The following PCDHGB1 variants were observed in gnomAD, a reference collection of about 807,000 sequenced individuals.
PCDHGB1 encodes protocadherin gamma-B1.
Under a neutral mutation model 56.6 loss-of-function variants are expected in PCDHGB1, and 34 were observed. The ratio of observed to expected loss-of-function variants is 0.60; its 90% CI spans 0.46 to 0.80. The LOEUF (loss-of-function observed/expected upper bound fraction) is 0.80, where lower values mean the gene tolerates loss of function less well. Ranked by LOEUF, PCDHGB1 falls within the 30% of genes least tolerant of loss-of-function variation. The pLI is 0.00. For missense variants in PCDHGB1, 1,278 were observed against 1,204.6 expected (o/e 1.06, Z -0.90); for synonymous variants, 561 against 505.9 (o/e 1.11, Z -1.46).
At chr5:141,426,922 T>C in intron 1 of PCDHGB1, 1 of 456,720 alleles carries the variant, frequency 2.2e-6, no homozygotes, top group Non-Finnish European at 4.4e-6. Flanking sequence ...CTGGAAGCAA[T>C]GGACATGGGT....
intron 1 of PCDHGB1, chr5:141,375,358 G>A (rs1436482456): frequency 1.2e-6 from 2 of 1,613,810 alleles, no homozygotes; most frequent in Non-Finnish European, 8.5e-7. Context: ...TGACAGCCAC[G>A]GACAAAGGAA....
chr5:141,418,928 A>T (rs762769886), intron 1 of PCDHGB1: 1 of 1,613,978 alleles, frequency 6.2e-7, no homozygotes, highest in East Asian at 2.2e-5. Context: ...TGATCAGATT[A>T]TGGAGGATTC....
rs1374592449 is a variant in PCDHGB1 at position 141,387,964 on chromosome 5, C to T, written c.2409+35295C>T. ...CTCTTCCTGCTGTCTTTGTTCTGCC[C>T]GGCGCTCTGTGAGCAGATCCGCTAC... On this transcript the variant is annotated intron_variant, in intron 1 of 3. Transcript: ENST00000523390. 1.3e-6 allele frequency: 2 copies of T among 1,493,070 alleles called. No individual in the cohort carries two copies. The highest frequency in any genetic ancestry group is 2.2e-5 in the Admixed American group (1 of 45,422). 92.5% of individuals were successfully genotyped at this position (1,493,070 alleles called of 1,614,324 possible).
intron 1 of PCDHGB1, chr5:141,371,384 T>C: frequency 2.5e-6 from 4 of 1,613,984 alleles, no homozygotes; most frequent in Non-Finnish European, 3.4e-6. Flanking sequence ...ACACTGCATA[T>C]TGTAAAGTAC....
chr5:141,351,524 GA>G lies in PCDHGB1; in HGVS notation c.1265del (p.Asp422AlafsTer49). 6.2e-7 allele frequency: 1 copy of G among 1,613,998 alleles called. No individual in the cohort carries two copies. On this transcript the variant is annotated frameshift_variant, in exon 1 of 4. Coordinates refer to ENST00000523390, the MANE Select transcript of PCDHGB1 (RefSeq NM_018922.3). LOFTEE classifies it high-confidence loss of function. ...ADYNVTIIAT[D>X]KGKPALSSRT... ...CTACAACGTCACAATCATAGCCACC[GA>G]CAAGGGCAAACCAGCCCTTTCCTCC... is the stretch of plus-strand genomic sequence containing the variant.
At chr5:141,376,675 C>CGTTTTTT (rs1773024325) in intron 1 of PCDHGB1, 1 of 343,980 alleles carries the variant, frequency 2.9e-6, no homozygotes, top group African/African-American at 3.4e-5. Context: ...GTGAGGGTAT[C>CGTTTTTT]GTTTTTTTTT....
At chr5:141,499,908 G>A (rs903753761) in intron 2 of PCDHGB1, among the ~76,000 whole-genome samples, 2 of 151,980 alleles carry the variant, frequency 1.3e-5, no homozygotes, top group African/African-American at 2.4e-5. Flanking sequence ...GGCTGGTCTT[G>A]AACTCCTGGC....
At chr5:141,499,021 GAAGGAAGA>G (rs1193940810) in intron 2 of PCDHGB1, among the ~76,000 whole-genome samples, 2 of 140,162 alleles carry the variant, frequency 1.4e-5, no homozygotes, top group East Asian at 2.1e-4. Flanking sequence ...AGGAAGGAAG[GAAGGAAGA>G]AAAGAAAGAA....
At position 141,351,762 on chromosome 5, in the gene PCDHGB1, T is replaced by G. The variant is rs762620794; in HGVS notation, c.1502T>G (p.Val501Gly). Residue 501 changes from valine to glycine, a missense_variant, in exon 1 of 4, where the codon GTG (valine) becomes GGG (glycine). By Grantham distance (109) the Val-to-Gly change is moderately radical. Transcript: ENST00000523390. ...DLEPRELLSY[V>G]SVSPQSGVVF... ...GAGCCGCGGGAGCTGTTGTCCTACG[T>G]GTCCGTGAGCCCGCAGAGCGGGGTG... 6.2e-7 allele frequency: 1 copy of G among 1,613,592 alleles called. No homozygotes were observed.
At chr5:141,374,181 A>G (rs765792921) in intron 1 of PCDHGB1, 14 of 1,613,530 alleles carry the variant, frequency 8.7e-6, no homozygotes, top group African/African-American at 2.7e-5. Flanking sequence ...CAGATCCGCT[A>G]CTCTATTCCC....
intron 1 of PCDHGB1, chr5:141,399,919 G>A: frequency 6.2e-7 from 1 of 1,612,300 alleles, no homozygotes; most frequent in Non-Finnish European, 8.5e-7. Flanking sequence ...AGGACACAAC[G>A]CCTGGCTGTC....
chr5:141,351,340 T>C lies in PCDHGB1; in HGVS notation c.1080T>C (p.Thr360=). Residue 360 remains threonine (T), a synonymous_variant, in exon 1 of 4, where the codon ACT becomes ACC. Transcript: ENST00000523390. ...NQIPEDSDLG[T]VIALIKVRDK... is the part of the protein sequence containing the mutation. ...TTCCAGAGGATTCAGACCTTGGAACTGTAATAGCCCTCATAAAAGTGCGAG... is the reference window on the plus strand; with the variant it reads ...TTCCAGAGGATTCAGACCTTGGAACCGTAATAGCCCTCATAAAAGTGCGAG... 1 of 1,613,562 alleles carries C rather than the reference T, an allele frequency of 6.2e-7. No individual in the cohort carries two copies. The highest frequency in any genetic ancestry group is 8.5e-7 in the Non-Finnish European group (1 of 1,179,662).
Position 141,432,479 on chromosome 5 carries a change from G to A in PCDHGB1, c.2410-62328G>A, listed in dbSNP as rs771261875. ...CGCCCTCCCCACGGACGGTTCCACT[G>A]GCGTGGAGCTGGCTCCCCGCTCCGC... On this transcript the variant is annotated intron_variant, in intron 1 of 3. Transcript: ENST00000523390. The surrounding 1 kb of genome is among the most constrained non-coding windows in gnomAD (Gnocchi z 6.0). The A allele has an allele frequency of 3.8e-5, 62 of 1,614,076 alleles. No individual in the cohort carries two copies. Among genetic ancestry groups the A allele is most frequent in the Non-Finnish European group, 4.9e-5 (58 of 1,180,052 alleles).
At position 141,477,210 on chromosome 5, in the gene PCDHGB1, C is replaced by A. The variant is rs780852225; in HGVS notation, c.2410-17597C>A. On this transcript the variant is annotated intron_variant, in intron 1 of 3. Transcript: ENST00000523390. This position sits in a 1 kb window ranked among gnomAD's most constrained non-coding sequence, Gnocchi z 4.9. ...GTGTACAGCCCAGTACCCGAGGATG[C>A]CCCTCTGGGGACTGTCATCGCTTTG... The A allele has an allele frequency of 6.2e-7, 1 of 1,614,142 alleles. No homozygotes were observed. The highest frequency in any genetic ancestry group is 8.5e-7 in the Non-Finnish European group (1 of 1,180,030).
At chr5:141,428,437 C>A in intron 1 of PCDHGB1, 1 of 400,386 alleles carries the variant, frequency 2.5e-6, no homozygotes, top group South Asian at 2.4e-5. Flanking sequence ...TAAGACTAGA[C>A]CAGGGGTTTT....
intron 1 of PCDHGB1, chr5:141,366,272 G>A (rs749693337): frequency 6.2e-7 from 1 of 1,613,608 alleles, no homozygotes. Context: ...GGCCGTCGAA[G>A]ACCATGGCCA....
chr5:141,371,360 G>A (rs1337014125), intron 1 of PCDHGB1: 2 of 1,613,842 alleles, frequency 1.2e-6, no homozygotes, highest in Admixed American at 1.7e-5. Context: ...TGGAAGCAAA[G>A]GATGGTGGAC....
At chr5:141,388,866 C>T in intron 1 of PCDHGB1, 1 of 1,613,950 alleles carries the variant, frequency 6.2e-7, no homozygotes, top group Non-Finnish European at 8.5e-7. Flanking sequence ...AATGATTGCG[C>T]AATGCACAGT....
intron 1 of PCDHGB1, among the ~76,000 whole-genome samples, chr5:141,382,389 T>A (rs1778164859): frequency 6.6e-6 from 1 of 152,228 alleles, no homozygotes; most frequent in South Asian, 2.1e-4. Flanking sequence ...AATAACTGAT[T>A]TTCCCATGTG....
Sources: gnomAD v4.1 joint callset for allele counts (sites outside exome capture counted in the v4.1 genomes callset) on GRCh38, gnomAD v4.1.1 for gene constraint, Gnocchi (gnomAD v3.1) non-coding constraint, MANE v1.5 for transcripts, NCBI Gene and HGNC (gene_info 2026-07-23, HGNC 2026-07-21) for gene names.